Variants in DIAPH3 observed in about 807,000 individuals in gnomAD.
The protein encoded by DIAPH3 is diaphanous related formin 3, also known as protein diaphanous homolog 3.
A neutral mutation model predicts 144.3 loss-of-function variants in DIAPH3; 117 were observed. The ratio of observed to expected loss-of-function variants is 0.81; its 90% confidence interval spans 0.70 to 0.95. The LOEUF (loss-of-function observed/expected upper bound fraction) is 0.95, where lower values mean the gene tolerates loss of function less well. Among genes scored for constraint, DIAPH3 ranks in the 40% least tolerant of loss-of-function variants. The probability of loss-of-function intolerance (pLI) is 0.00; values close to 1 mark genes in which losing one functional copy is unlikely to be tolerated. For synonymous variants in DIAPH3, 519 were observed against 488.9 expected (o/e 1.06, Z -0.81); for missense variants, 1,421 against 1,412.7 (o/e 1.01, Z -0.09).
chr13:59,681,546 A>G (rs965917932), intron 27 of DIAPH3, among the ~76,000 whole-genome samples: 1 of 152,198 alleles, frequency 6.6e-6, no homozygotes, highest in Non-Finnish European at 1.5e-5. Context: ...AAATTTAGTT[A>G]TAACAAAATT....
intron 22 of DIAPH3, among the ~76,000 whole-genome samples, chr13:59,854,535 G>A (rs1411580798): frequency 6.6e-6 from 1 of 152,120 alleles, no homozygotes; most frequent in African/African-American, 2.4e-5. Flanking sequence ...TAATGTGTTT[G>A]CTCTATCTAC....
chr13:59,717,096 T>C (rs971196566), intron 27 of DIAPH3, among the ~76,000 whole-genome samples: 1 of 152,104 alleles, frequency 6.6e-6, no homozygotes, highest in Admixed American at 6.5e-5. Flanking sequence ...ACAAAATATA[T>C]TCAAAAGATC....
chr13:59,817,859 T>A (rs2040859213), intron 24 of DIAPH3, among the ~76,000 whole-genome samples: 1 of 151,962 alleles, frequency 6.6e-6, no homozygotes, highest in South Asian at 2.1e-4. Flanking sequence ...TATCTGTATC[T>A]CCCTTTCTCC....
At chr13:59,807,165 T>C (rs2040240459) in intron 25 of DIAPH3, among the ~76,000 whole-genome samples, 1 of 151,506 alleles carries the variant, frequency 6.6e-6, no homozygotes, top group Non-Finnish European at 1.5e-5. Flanking sequence ...AGAAATCAAA[T>C]GCTTTGTTCT....
intron 4 of DIAPH3, among the ~76,000 whole-genome samples, chr13:60,045,803 A>G (rs568121450): frequency 2.6e-5 from 4 of 152,324 alleles, no homozygotes; most frequent in Non-Finnish European, 5.9e-5. Flanking sequence ...TTCTTCAACA[A>G]TAAGTAAGCT....
chr13:59,666,735 G>A lies in DIAPH3; in HGVS notation c.3431C>T (p.Thr1144Met), dbSNP rs1439410037. 14 of 1,614,062 alleles carry A rather than the reference G, an allele frequency of 8.7e-6. No individual in the cohort carries two copies. Among genetic ancestry groups the A allele is most frequent in the Non-Finnish European group, 1.1e-5 (13 of 1,179,992 alleles). The change falls in exon 28 of 28, where the codon ACG (threonine) becomes ATG (methionine). Residue 1144 changes from threonine (T) to methionine (M), a missense_variant. Coordinates refer to ENST00000400324, the MANE Select transcript of DIAPH3 (RefSeq NM_001042517.2). ...AGCTGCCTTGATCCTCCCAGTAGAC[G>A]TATGAGTGTCTAGATTATAATTAAG... is the stretch of plus-strand genomic sequence containing the variant. ...KELNYNLDTHTSTGRIKAAEK... is the reference protein window; with the variant it reads ...KELNYNLDTHMSTGRIKAAEK...
At chr13:60,021,666 C>CAAAAA (rs55896515) in intron 5 of DIAPH3, among the ~76,000 whole-genome samples, 24 of 81,410 alleles carry the variant, frequency 2.9e-4, no homozygotes, top group African/African-American at 1.1e-3. Flanking sequence ...GGCTCTGTCT[C>CAAAAA]AAAAAAAAAA....
chr13:60,025,982 T>C (rs189983492), intron 5 of DIAPH3, among the ~76,000 whole-genome samples: 1 of 152,200 alleles, frequency 6.6e-6, no homozygotes, highest in African/African-American at 2.4e-5. Flanking sequence ...ATGATGCTCA[T>C]ATATCTTAAG....
chr13:59,914,582 G>T (rs949281193), intron 19 of DIAPH3, among the ~76,000 whole-genome samples: 6 of 152,078 alleles, frequency 3.9e-5, no homozygotes, highest in African/African-American at 1.4e-4. Flanking sequence ...GAATTATTTG[G>T]ATGTACTCAA....
At chr13:60,078,276 G>A (rs1297570487) in intron 4 of DIAPH3, among the ~76,000 whole-genome samples, 1 of 152,060 alleles carries the variant, frequency 6.6e-6, no homozygotes, top group African/African-American at 2.4e-5. Context: ...AAAAAGGGTG[G>A]CAATGCTGAA....
chr13:59,751,637 T>C (rs970122226), intron 27 of DIAPH3, among the ~76,000 whole-genome samples: 4 of 152,220 alleles, frequency 2.6e-5, no homozygotes, highest in Non-Finnish European at 5.9e-5. Context: ...TGTAATTGTA[T>C]GAAAGAAGGT....
At chr13:59,855,376 T>G (rs1349194052) in intron 22 of DIAPH3, among the ~76,000 whole-genome samples, 1 of 152,132 alleles carries the variant, frequency 6.6e-6, no homozygotes, top group African/African-American at 2.4e-5. Flanking sequence ...AACATAAAAT[T>G]GTACATATTC....
intron 27 of DIAPH3, among the ~76,000 whole-genome samples, chr13:59,758,766 G>T (rs1273517582): frequency 1.3e-5 from 2 of 150,716 alleles, no homozygotes; most frequent in African/African-American, 4.9e-5. Flanking sequence ...ACAGAGGCAA[G>T]AATTTTCTCT....
Position 60,125,394 on chromosome 13 carries a change from A to ATTTTTTTTTTTTTTTTTTTTTTTTT in DIAPH3, c.213+7538_213+7562dup, listed in dbSNP as rs56267083. Among the ~76,000 whole-genome samples the ATTTTTTTTTTTTTTTTTTTTTTTTT allele has an allele frequency of 5.4e-4, 53 of 97,864 alleles. 1 individual carries two copies. Among genetic ancestry groups the ATTTTTTTTTTTTTTTTTTTTTTTTT allele is most frequent in the Non-Finnish European group, 8.2e-4 (42 of 51,032 alleles). The allele number at this position is 97,864 out of a possible 152,430, so 64.2% of individuals were successfully genotyped here. On this transcript the variant is annotated intron_variant, in intron 2 of 27. Transcript: ENST00000400324. ...ATCTGCATACCATCACACCCAGCTA[A>ATTTTTTTTTTTTTTTTTTTTTTTTT]TTTTTTTTTTTTTTTTTTTTTTTTT...
rs2049139222 is a variant in DIAPH3, at chr13:59,952,280, A to G, written c.2074+17664T>C. On this transcript the variant is annotated intron_variant, in intron 17 of 27. Transcript: ENST00000400324. ...TGGGGAGAGACTGCTTAAGGGGTCC[A>G]GGGTTTTACTTTGGAATGATGAAAA... is the stretch of plus-strand genomic sequence containing the variant. Among the ~76,000 whole-genome samples the G allele has an allele frequency of 2.0e-5, 3 of 152,300 alleles. No individual in the cohort carries two copies. The South Asian group carries it at 6.2e-4, about 32-fold the overall frequency.
chr13:59,741,356 A>G (rs2036434601), intron 27 of DIAPH3, among the ~76,000 whole-genome samples: 1 of 152,224 alleles, frequency 6.6e-6, no homozygotes, highest in Admixed American at 6.5e-5. Flanking sequence ...ATGCTATTGT[A>G]CTACATAGGT....
At chr13:59,857,785 T>A (rs1248445876) in intron 22 of DIAPH3, among the ~76,000 whole-genome samples, 1 of 152,178 alleles carries the variant, frequency 6.6e-6, no homozygotes. Flanking sequence ...AGTTTCTTGA[T>A]GAAGGAGAAA....
intron 27 of DIAPH3, among the ~76,000 whole-genome samples, chr13:59,751,313 T>A (rs939688576): frequency 6.6e-6 from 1 of 152,250 alleles, no homozygotes; most frequent in African/African-American, 2.4e-5. Flanking sequence ...CCATCATCTT[T>A]AAGTTTAATT....
intron 4 of DIAPH3, among the ~76,000 whole-genome samples, chr13:60,085,180 G>T (rs1217689892): frequency 6.6e-6 from 1 of 151,986 alleles, no homozygotes; most frequent in South Asian, 2.1e-4. Context: ...TGTTACAATA[G>T]TTAACCTTCT....
Sources: gnomAD v4.1 joint callset for allele counts (sites outside exome capture counted in the v4.1 genomes callset) on GRCh38, gnomAD v4.1.1 for gene constraint, MANE v1.5 for transcripts, NCBI Gene and HGNC (gene_info 2026-07-23, HGNC 2026-07-21) for gene names.